The following GTF2A1L variants were observed in gnomAD, a reference collection of about 807,000 sequenced individuals.
GTF2A1L encodes the protein general transcription factor IIA subunit 1 like.
A neutral mutation model predicts 49.7 loss-of-function variants in GTF2A1L; 48 were observed. The ratio of observed to expected loss-of-function variants is 0.97; its 90% confidence interval spans 0.77 to 1.23. GTF2A1L has a LOEUF of 1.23. Among genes scored for constraint, GTF2A1L ranks in the 50% most tolerant of loss-of-function variants. The pLI is 0.00. For missense variants in GTF2A1L, 736 were observed against 564.8 expected (o/e 1.30, Z -3.07); for synonymous variants, 246 against 193.5 (o/e 1.27, Z -2.25).
chr2:48,642,729 C>G (rs1343672566), intron 4 of GTF2A1L, among the ~76,000 whole-genome samples: 1 of 151,010 alleles, frequency 6.6e-6, no homozygotes, highest in African/African-American at 2.4e-5. Flanking sequence ...GTGGTGGGCG[C>G]CTAGTAATCC....
intron 6 of GTF2A1L, among the ~76,000 whole-genome samples, chr2:48,662,644 T>C (rs1043634611): frequency 6.8e-6 from 1 of 146,266 alleles, no homozygotes; most frequent in Admixed American, 7.0e-5. Context: ...ACAGAAATCT[T>C]GGTTGATCTT....
intron 5 of GTF2A1L, among the ~76,000 whole-genome samples, chr2:48,646,248 TA>T (rs1558733395): frequency 6.6e-6 from 1 of 151,794 alleles, no homozygotes; most frequent in Non-Finnish European, 1.5e-5. Flanking sequence ...CATATGTAAT[TA>T]AAAAAATAAG....
At chr2:48,649,403 T>G (rs1278833835) in intron 6 of GTF2A1L, among the ~76,000 whole-genome samples, 1 of 152,198 alleles carries the variant, frequency 6.6e-6, no homozygotes, top group African/African-American at 2.4e-5. Context: ...TCTAACTAAT[T>G]TATCAGTGTG....
chr2:48,633,040 C>G (rs376260719), intron 3 of GTF2A1L: 1 of 243,362 alleles, frequency 4.1e-6, no homozygotes, highest in Non-Finnish European at 8.5e-6. Flanking sequence ...CTGTTTAGGT[C>G]TCTGTTCTTC....
intron 6 of GTF2A1L, 108 bp downstream of exon 6, chr2:48,647,150 TG>T (rs1677565932): frequency 9.3e-7 from 1 of 1,075,806 alleles, no homozygotes; most frequent in Middle Eastern, 3.0e-4. Flanking sequence ...ATATATATTT[TG>T]TTTTTTTCTT....
At chr2:48,650,428 T>G (rs896450171) in intron 6 of GTF2A1L, among the ~76,000 whole-genome samples, 1 of 152,156 alleles carries the variant, frequency 6.6e-6, no homozygotes, top group Non-Finnish European at 1.5e-5. Context: ...TAAGAACCAC[T>G]GATGTAGCTC....
intron 6 of GTF2A1L, among the ~76,000 whole-genome samples, chr2:48,666,383 A>G (rs1431974743): frequency 6.6e-6 from 1 of 151,768 alleles, no homozygotes. Flanking sequence ...TTTTTAAAAA[A>G]CATTTTTAGT....
chr2:48,623,868 T>C (rs753246808), intron 3 of GTF2A1L, among the ~76,000 whole-genome samples: 29 of 152,234 alleles, frequency 1.9e-4, no homozygotes, highest in Middle Eastern at 3.4e-3. Context: ...ATTGGGTACA[T>C]ACAGACAGAA....
rs1407623375 is a variant in GTF2A1L, at chr2:48,620,915, A to G, written c.86A>G (p.Glu29Gly). ...IEGVRNLFAEEGIEEQVLKDL... is the reference protein window; with the variant it reads ...IEGVRNLFAEGGIEEQVLKDL... ...GGAGTTCGGAATCTATTTGCTGAAG[A>G]AGGTATAGAGGAACAAGTTTTAAAA... Residue 29 changes from glutamate to glycine, a missense_variant, in exon 2 of 9, where the codon GAA (glutamate) becomes GGA (glycine). By Grantham distance (98) the Glu-to-Gly change is moderately conservative. Transcript: ENST00000403751. The G allele has an allele frequency of 1.9e-6, 3 of 1,607,218 alleles. No homozygotes were observed. The highest frequency in any genetic ancestry group is 1.1e-5 in the South Asian group (1 of 89,794).
At chr2:48,643,979 G>C (rs976932483) in intron 4 of GTF2A1L, among the ~76,000 whole-genome samples, 1 of 152,016 alleles carries the variant, frequency 6.6e-6, no homozygotes, top group Non-Finnish European at 1.5e-5. Context: ...GATTACAGGC[G>C]TGAGCCACCG....
At chr2:48,651,755 T>G (rs1264145471) in intron 6 of GTF2A1L, among the ~76,000 whole-genome samples, 1 of 152,210 alleles carries the variant, frequency 6.6e-6, no homozygotes, top group Non-Finnish European at 1.5e-5. Flanking sequence ...TCATGCAGAA[T>G]TTTTCTGGCT....
In GTF2A1L at chr2:48,646,768, A is replaced by G. The variant is rs141361119; in HGVS notation, c.704A>G (p.His235Arg). 1.2e-6 allele frequency: 2 copies of G among 1,614,064 alleles called. No homozygotes were observed. The highest frequency in any genetic ancestry group is 1.7e-6 in the Non-Finnish European group (2 of 1,180,048). The stretch of plus-strand genomic sequence containing the variant: ...ATCGTGCCTGAAGCTTTGTTGTGTC[A>G]TCAGGAAAGTTCTCACTATATCAGT... ...HKIVPEALLC[H>R]QESSHYISLP... The change falls in exon 6 of 9, where the codon CAT becomes CGT. Residue 235 changes from histidine (H) to arginine (R), a missense_variant. Transcript: ENST00000403751.
At chr2:48,630,780 C>T (rs1427044108) in intron 3 of GTF2A1L, among the ~76,000 whole-genome samples, 3 of 151,558 alleles carry the variant, frequency 2.0e-5, no homozygotes, top group African/African-American at 7.3e-5. Context: ...GAGGTATGTT[C>T]CCTCAATGCC....
intron 6 of GTF2A1L, among the ~76,000 whole-genome samples, chr2:48,668,331 A>G (rs1201361044): frequency 6.6e-6 from 1 of 152,204 alleles, no homozygotes; most frequent in East Asian, 1.9e-4. Flanking sequence ...AACAACCAGC[A>G]TTATAGCATC....
At chr2:48,624,473 TA>T (rs1395602740) in intron 3 of GTF2A1L, among the ~76,000 whole-genome samples, 1 of 143,854 alleles carries the variant, frequency 7.0e-6, no homozygotes. Flanking sequence ...GATAGATAGA[TA>T]GATAGATAGA....
At chr2:48,654,288 A>C (rs953348009) in intron 6 of GTF2A1L, among the ~76,000 whole-genome samples, 1 of 152,190 alleles carries the variant, frequency 6.6e-6, no homozygotes, top group Non-Finnish European at 1.5e-5. Flanking sequence ...GTCTTATCAA[A>C]GGCTGCAAAG....
chr2:48,674,428 G>A (rs1026454717), intron 8 of GTF2A1L, among the ~76,000 whole-genome samples: 3 of 151,824 alleles, frequency 2.0e-5, no homozygotes, highest in African/African-American at 7.3e-5. Context: ...AAAGAATAAT[G>A]TTTTGAATTG....
intron 3 of GTF2A1L, among the ~76,000 whole-genome samples, chr2:48,625,084 G>A (rs1676227517): frequency 6.9e-6 from 1 of 144,110 alleles, no homozygotes. Context: ...TCCATAAGAA[G>A]GATTGCTGAA....
At chr2:48,655,109 G>C (rs993148447) in intron 6 of GTF2A1L, among the ~76,000 whole-genome samples, 1 of 151,858 alleles carries the variant, frequency 6.6e-6, no homozygotes, top group Non-Finnish European at 1.5e-5. Context: ...TCACAATATT[G>C]AGTCTTCCAA....
Sources: gnomAD v4.1 joint callset for allele counts (sites outside exome capture counted in the v4.1 genomes callset) on GRCh38, gnomAD v4.1.1 for gene constraint, MANE v1.5 for transcripts, NCBI Gene and HGNC (gene_info 2026-07-23, HGNC 2026-07-21) for gene names.